HHIP: variants seen among roughly 807,000 people sequenced by gnomAD.
The protein encoded by HHIP is hedgehog interacting protein, also known as hedgehog-interacting protein.
A neutral mutation model predicts 74.0 loss-of-function variants in HHIP; 12 were observed. That is an observed-to-expected ratio of 0.16 (90% CI 0.10 to 0.26). The LOEUF is 0.26. HHIP is among the 10% of genes least tolerant of loss of function. The pLI is 1.00. For missense variants in HHIP, 788 were observed against 845.0 expected, an observed-to-expected ratio of 0.93 and a Z score of 0.84; for synonymous variants, 309 against 311.6, an observed-to-expected ratio of 0.99 and a Z score of 0.09.
Position 144,646,936 on chromosome 4 carries a change from A to G in HHIP, c.261A>G (p.Leu87=), listed in dbSNP as rs2126568211. Residue 87 remains leucine, a synonymous_variant, in exon 1 of 13, where the codon CTA becomes CTG. Coordinates refer to ENST00000296575, the MANE Select transcript of HHIP (RefSeq NM_022475.3). The part of the protein sequence containing the change: ...SCCLRSDSPG[L]GRLENKIFSV... The stretch of plus-strand genomic sequence containing the variant: ...GCCTGCGGAGTGACAGCCCGGGGCT[A>G]GGGCGCCTGGAGAATAAGGTAGGCA... The G allele has an allele frequency of 6.2e-7, 1 of 1,610,632 alleles. No individual in the cohort carries two copies. The highest frequency in any genetic ancestry group is 8.5e-7 in the Non-Finnish European group (1 of 1,177,808).
chr4:144,714,020 T>G (rs904139781), intron 8 of HHIP, among the ~76,000 whole-genome samples: 2 of 152,304 alleles, frequency 1.3e-5, no homozygotes, highest in African/African-American at 4.8e-5. Flanking sequence ...GCATTCTGAT[T>G]TCATTAAGCT....
At chr4:144,667,753 T>A (rs57498151) in intron 4 of HHIP, among the ~76,000 whole-genome samples, 9,798 of 152,224 alleles carry the variant, frequency 0.064, 464 homozygotes, top group African/African-American at 0.14. Context: ...GATATTATAG[T>A]AATGTCGGTC....
chr4:144,730,684 T>G (rs903032122), intron 11 of HHIP, among the ~76,000 whole-genome samples: 5 of 152,188 alleles, frequency 3.3e-5, no homozygotes, highest in African/African-American at 1.2e-4. Context: ...TGTGTATATG[T>G]AGTACTTAAG....
intron 10 of HHIP, among the ~76,000 whole-genome samples, chr4:144,718,072 T>C (rs751806342): frequency 6.6e-5 from 10 of 152,188 alleles, no homozygotes; most frequent in Non-Finnish European, 1.2e-4. Flanking sequence ...TGTCATGAAA[T>C]TTATATTGTA....
intron 5 of HHIP, 142 bp downstream of exon 5, chr4:144,706,824 C>T (rs1730163197): frequency 2.6e-6 from 2 of 775,606 alleles, no homozygotes; most frequent in Non-Finnish European, 4.1e-6. Flanking sequence ...TTGCTGAAAA[C>T]TCCATATGTG....
At chr4:144,735,766 T>C (rs1017975527) in intron 12 of HHIP, among the ~76,000 whole-genome samples, 1 of 152,228 alleles carries the variant, frequency 6.6e-6, no homozygotes, top group African/African-American at 2.4e-5. Context: ...GTCCTCAAGA[T>C]GTATTTCAAA....
At chr4:144,686,064 G>A (rs976698440) in intron 4 of HHIP, among the ~76,000 whole-genome samples, 21 of 152,172 alleles carry the variant, frequency 1.4e-4, no homozygotes, top group African/African-American at 5.1e-4. Context: ...ACACTGGGAT[G>A]TGGCTTGGAG....
chr4:144,737,669 TCC>T, intron 12 of HHIP, 93 bp from the exon 13 acceptor site: 2 of 1,096,790 alleles, frequency 1.8e-6, no homozygotes, highest in African/African-American at 1.6e-5. Flanking sequence ...TTCCCTCGCT[TCC>T]CTTATTCAGC....
rs991163938 is a variant in HHIP at position 144,738,812 on chromosome 4, C to T, written c.*855C>T. ...ATTGGAAAGAAGGGGAGTGAGAAAG[C>T]AAACAGTCTTTAATGTGCTGTGGAT... On this transcript the variant is annotated 3_prime_UTR_variant, in exon 13 of 13. Transcript: ENST00000296575. 5.3e-5 allele frequency: 21 copies of T among 397,794 alleles called. No individual in the cohort carries two copies. Among genetic ancestry groups the T allele is most frequent in the African/African-American group, 4.6e-4 (21 of 45,824 alleles). The allele number at this position is 397,794 out of a possible 1,614,324, so 24.6% of individuals were successfully genotyped here.
intron 7 of HHIP, among the ~76,000 whole-genome samples, chr4:144,710,181 A>T (rs1730253860): frequency 6.6e-6 from 1 of 152,154 alleles, no homozygotes. Context: ...TGCTTTCCAG[A>T]TTTGCTGTTT....
rs1731345620 is a variant in HHIP at position 144,745,024 on chromosome 4, T to A, written c.*7067T>A. On this transcript the variant is annotated 3_prime_UTR_variant, in exon 13 of 13. Transcript: ENST00000296575. ...ATAATATATGTATAATGCATATAAA[T>A]TCTAACAAGTGTATTTGTGTTATCT... 6.6e-6 allele frequency: 1 copy of A among 152,242 alleles called. No individual in the cohort carries two copies. Among genetic ancestry groups the A allele is most frequent in the Non-Finnish European group, 1.5e-5 (1 of 68,034 alleles). The allele number at this position is 152,242 out of a possible 1,614,324, so 9.4% of individuals were successfully genotyped here.
At chr4:144,648,834 G>T (rs780168399) in intron 1 of HHIP, 1 of 152,094 alleles carries the variant, frequency 6.6e-6, no homozygotes, top group African/African-American at 2.4e-5. Flanking sequence ...TTTTTTTAAA[G>T]AAATCATTCT....
intron 4 of HHIP, among the ~76,000 whole-genome samples, chr4:144,695,820 G>C (rs1013562520): frequency 6.6e-6 from 1 of 151,828 alleles, no homozygotes; most frequent in South Asian, 2.1e-4. Flanking sequence ...CTCCTGAAAA[G>C]ATATCCACAA....
In HHIP at chr4:144,743,916, T is replaced by A. The variant is rs1441403229; in HGVS notation, c.*5959T>A. On this transcript the variant is annotated 3_prime_UTR_variant, in exon 13 of 13. Coordinates refer to ENST00000296575, the MANE Select transcript of HHIP (RefSeq NM_022475.3). ...TTTGGGATAGTATGCCCAAAACCTA[T>A]GTTTCTTTACTTTATATTCTTAAAA... The A allele has an allele frequency of 1.3e-5, 2 of 152,144 alleles. No homozygotes were observed. The highest frequency in any genetic ancestry group is 4.8e-5 in the African/African-American group (2 of 41,454). The allele number at this position is 152,144 out of a possible 1,614,324, so 9.4% of individuals were successfully genotyped here. A position where few individuals can be genotyped will look rare whatever the true frequency, so the allele number is the denominator to read the frequency against.
chr4:144,735,285 T>TCC (rs1355585545), intron 12 of HHIP, among the ~76,000 whole-genome samples: 1 of 152,148 alleles, frequency 6.6e-6, no homozygotes, highest in Non-Finnish European at 1.5e-5. Flanking sequence ...GTAAATGCCC[T>TCC]CCCTGGCTTT....
intron 4 of HHIP, among the ~76,000 whole-genome samples, chr4:144,699,691 C>T (rs1729923643): frequency 6.6e-6 from 1 of 152,094 alleles, no homozygotes; most frequent in Non-Finnish European, 1.5e-5. Context: ...GCACTCCTAT[C>T]ACTCAGGAAA....
intron 8 of HHIP, 101 bp from the exon 9 acceptor site, chr4:144,714,124 C>G: frequency 9.9e-7 from 1 of 1,013,682 alleles, no homozygotes; most frequent in Non-Finnish European, 1.5e-6. Flanking sequence ...TCATAGAACA[C>G]ATTTCAGAGT....
rs1174297815 is a variant in HHIP at position 144,684,232 on chromosome 4, A to AT, written c.832-22255dup. Reference sequence around the variant, plus strand: ...ATGAAAAATACAAAAAAAAAAAAGAATTTTTTTTTTTTTTTTTTTTTTTTT... The same window carrying AT: ...ATGAAAAATACAAAAAAAAAAAAGAATTTTTTTTTTTTTTTTTTTTTTTTTT... On this transcript the variant is annotated intron_variant, in intron 4 of 12. Coordinates refer to ENST00000296575, the MANE Select transcript of HHIP (RefSeq NM_022475.3). Among the ~76,000 whole-genome samples, 86 of 63,002 alleles carry AT rather than the reference A, an allele frequency of 1.4e-3. 15 individuals are homozygous for AT. Among genetic ancestry groups the AT allele is most frequent in the East Asian group, 1.9e-3 (4 of 2,132 alleles). The allele number at this position is 63,002 out of a possible 152,430, so 41.3% of individuals were successfully genotyped here.
intron 12 of HHIP, among the ~76,000 whole-genome samples, chr4:144,736,136 C>CCTT (rs71590475): frequency 7.8e-6 from 1 of 128,272 alleles, no homozygotes; most frequent in Non-Finnish European, 1.6e-5. Flanking sequence ...TTTTCTGCAT[C>CCTT]TTTTTTTTTT....
Sources: allele counts gnomAD v4.1 joint callset (sites outside exome capture counted in the v4.1 genomes callset), GRCh38; gene constraint gnomAD v4.1.1; transcripts MANE v1.5; gene names NCBI Gene and HGNC (gene_info 2026-07-23, HGNC 2026-07-21).